Variants in ROBO1 observed in about 807,000 individuals in gnomAD.
ROBO1 encodes the protein roundabout homolog 1.
Under a neutral mutation model 195.9 loss-of-function variants are expected in ROBO1, and 149 were observed. The observed-to-expected ratio is 0.76, with a 90% confidence interval of 0.67 to 0.87. ROBO1 has a LOEUF of 0.87. Ranked by LOEUF, ROBO1 falls within the 40% of genes least tolerant of loss-of-function variation. The pLI is 0.00. For missense variants in ROBO1, 1,933 were observed against 2,068.3 expected (o/e 0.93, Z 1.27); for synonymous variants, 816 against 733.2 (o/e 1.11, Z -1.82).
intron 7 of ROBO1, among the ~76,000 whole-genome samples, chr3:78,716,735 ACGGCC>A (rs992148963): frequency 6.6e-5 from 10 of 152,294 alleles, no homozygotes; most frequent in Admixed American, 2.0e-4. Context: ...AATGGAGAAG[ACGGCC>A]CGCTGACAGT....
chr3:79,458,061 T>G (rs942398403), intron 2 of ROBO1, among the ~76,000 whole-genome samples: 4 of 151,988 alleles, frequency 2.6e-5, no homozygotes, highest in African/African-American at 9.7e-5. Flanking sequence ...ATTCTAGGAG[T>G]TAAGAGGCTT....
chr3:78,667,271 T>A (rs1485377255), intron 14 of ROBO1, among the ~76,000 whole-genome samples: 1 of 152,126 alleles, frequency 6.6e-6, no homozygotes, highest in African/African-American at 2.4e-5. Context: ...TATTCACATA[T>A]TTTTAAAATT....
At chr3:78,868,123 T>G (rs532125143) in intron 4 of ROBO1, among the ~76,000 whole-genome samples, 2 of 152,202 alleles carry the variant, frequency 1.3e-5, no homozygotes, top group Non-Finnish European at 2.9e-5. Flanking sequence ...AATTACCCAA[T>G]TACTACTGAC....
intron 4 of ROBO1, among the ~76,000 whole-genome samples, chr3:78,857,884 G>A (rs1405688774): frequency 2.6e-5 from 4 of 152,170 alleles, no homozygotes; most frequent in Non-Finnish European, 5.9e-5. Flanking sequence ...TTACTTTCTA[G>A]AAGGATTACT....
At chr3:79,254,706 G>C (rs1259172939) in intron 2 of ROBO1, among the ~76,000 whole-genome samples, 1 of 152,110 alleles carries the variant, frequency 6.6e-6, no homozygotes, top group Admixed American at 6.6e-5. Context: ...CAGCTCTCCT[G>C]TTAGCTATGT....
At chr3:79,608,325 G>A (rs1421337297) in intron 1 of ROBO1, among the ~76,000 whole-genome samples, 1 of 151,866 alleles carries the variant, frequency 6.6e-6, no homozygotes, top group East Asian at 1.9e-4. Flanking sequence ...GAACTTTTCT[G>A]GCCCTAAACC....
At chr3:78,938,979 C>T (rs1379393260) in intron 3 of ROBO1, 52 bp from the exon 4 acceptor site, 23 of 1,463,110 alleles carry the variant, frequency 1.6e-5, no homozygotes, top group Admixed American at 1.4e-4. Context: ...AACAGTTAAT[C>T]GCTTATTTTT....
chr3:78,753,617 C>T lies in ROBO1; in HGVS notation c.500-6717G>A, dbSNP rs114515129. ...TGCCATGGTGGTTGGCTGCACCTAT[C>T]GACCTGACATCTAGGTTTTAAGCTC... On this transcript the variant is annotated intron_variant, in intron 4 of 30. Transcript: ENST00000464233. 9.7e-3 allele frequency among the ~76,000 whole-genome samples: 1,480 copies of T among 152,116 alleles called. 34 individuals carry two copies. The highest frequency in any genetic ancestry group is 0.033 in the African/African-American group (1,380 of 41,486).
intron 2 of ROBO1, among the ~76,000 whole-genome samples, chr3:79,480,279 T>A (rs1938768926): frequency 6.6e-6 from 1 of 152,210 alleles, no homozygotes. Flanking sequence ...CACATTTTGA[T>A]TCTTTGATGC....
intron 2 of ROBO1, among the ~76,000 whole-genome samples, chr3:79,542,514 A>G (rs982248495): frequency 6.6e-6 from 1 of 152,092 alleles, no homozygotes; most frequent in Admixed American, 6.6e-5. Flanking sequence ...AGCTTCAGCT[A>G]CATCTTCAAT....
intron 1 of ROBO1, among the ~76,000 whole-genome samples, chr3:79,633,353 C>CTTTTT (rs58016604): frequency 8.3e-6 from 1 of 119,894 alleles, no homozygotes; most frequent in Non-Finnish European, 1.6e-5. Flanking sequence ...TTTTGCATTT[C>CTTTTT]TTTTTTTTTT....
chr3:78,932,109 G>A (rs1218420576), intron 4 of ROBO1, among the ~76,000 whole-genome samples: 3 of 152,140 alleles, frequency 2.0e-5, no homozygotes, highest in African/African-American at 4.8e-5. Flanking sequence ...TGATTCTCAA[G>A]TTAGTCTATG....
At chr3:79,115,421 A>G (rs2079976037) in intron 3 of ROBO1, among the ~76,000 whole-genome samples, 1 of 152,158 alleles carries the variant, frequency 6.6e-6, no homozygotes, top group Non-Finnish European at 1.5e-5. Context: ...ACTTACAAAT[A>G]AATATTTAGC....
chr3:79,336,733 G>T (rs1377643525), intron 2 of ROBO1, among the ~76,000 whole-genome samples: 2 of 152,170 alleles, frequency 1.3e-5, no homozygotes, highest in Non-Finnish European at 2.9e-5. Flanking sequence ...CCCAAGAATG[G>T]TAGATACATT....
chr3:79,120,159 A>G (rs552300098), intron 3 of ROBO1, among the ~76,000 whole-genome samples: 2 of 152,172 alleles, frequency 1.3e-5, no homozygotes, highest in Non-Finnish European at 2.9e-5. Flanking sequence ...GTGGACAATA[A>G]ACATAAAGGT....
chr3:79,422,673 A>G (rs2038276720), intron 2 of ROBO1, among the ~76,000 whole-genome samples: 1 of 152,168 alleles, frequency 6.6e-6, no homozygotes, highest in African/African-American at 2.4e-5. Flanking sequence ...GTTTAATTCC[A>G]AATGCATTCC....
intron 2 of ROBO1, among the ~76,000 whole-genome samples, chr3:79,336,206 A>T (rs958730427): frequency 8.5e-5 from 13 of 152,316 alleles, no homozygotes; most frequent in Non-Finnish European, 1.6e-4. Flanking sequence ...ATAAGTAATG[A>T]GGAGTTGAAT....
At chr3:79,694,979 TTC>T (rs1164173316) in intron 1 of ROBO1, among the ~76,000 whole-genome samples, 2 of 151,576 alleles carry the variant, frequency 1.3e-5, no homozygotes, top group African/African-American at 4.8e-5. Context: ...ATTGATACTT[TTC>T]TCTGTTTTCC....
At chr3:78,972,453 AATG>A (rs2076790057) in intron 3 of ROBO1, among the ~76,000 whole-genome samples, 1 of 152,228 alleles carries the variant, frequency 6.6e-6, no homozygotes, top group African/African-American at 2.4e-5. Context: ...ATATTATGAC[AATG>A]ATATTACAAT....
Sources: gnomAD v4.1 joint callset for allele counts (sites outside exome capture counted in the v4.1 genomes callset) on GRCh38, gnomAD v4.1.1 for gene constraint, MANE v1.5 for transcripts, NCBI Gene and HGNC (gene_info 2026-07-23, HGNC 2026-07-21) for gene names.